The following ANGPT1 variants were observed in gnomAD, a reference collection of about 807,000 sequenced individuals.
ANGPT1 encodes angiopoietin-1.
Under a neutral mutation model 62.2 loss-of-function variants are expected in ANGPT1, and 17 were observed. The observed-to-expected ratio is 0.27, with a 90% CI of 0.19 to 0.41. ANGPT1 has a LOEUF of 0.41. ANGPT1 is among the 10% of genes least tolerant of loss of function. The pLI is 1.00. For synonymous variants in ANGPT1, 199 were observed against 198.9 expected, an observed-to-expected ratio of 1.00 and a Z score of 0.00; for missense variants, 478 against 594.9, an observed-to-expected ratio of 0.80 and a Z score of 2.04.
chr8:107,271,264 T>C (rs1158297388), intron 7 of ANGPT1, among the ~76,000 whole-genome samples: 1 of 152,194 alleles, frequency 6.6e-6, no homozygotes, highest in South Asian at 2.1e-4. Context: ...CTCTATGTCC[T>C]GCCAATATTT....
At chr8:107,376,716 G>T (rs542008072) in intron 1 of ANGPT1, among the ~76,000 whole-genome samples, 1 of 152,256 alleles carries the variant, frequency 6.6e-6, no homozygotes, top group Admixed American at 6.5e-5. Flanking sequence ...TTATCCCACT[G>T]AAAAATAAGA....
chr8:107,360,771 T>G (rs1816145756), intron 1 of ANGPT1, among the ~76,000 whole-genome samples: 1 of 152,236 alleles, frequency 6.6e-6, no homozygotes, highest in East Asian at 1.9e-4. Context: ...AAAAAAGTCT[T>G]CATATACTTG....
intron 3 of ANGPT1, among the ~76,000 whole-genome samples, chr8:107,326,605 C>G (rs1056599494): frequency 4.6e-5 from 7 of 152,074 alleles, no homozygotes; most frequent in Admixed American, 3.3e-4. Flanking sequence ...TCAGCCCTTC[C>G]TTGTCATTAC....
chr8:107,371,597 G>A (rs759877533), intron 1 of ANGPT1, among the ~76,000 whole-genome samples: 73 of 59,542 alleles, frequency 1.2e-3, no homozygotes, highest in Middle Eastern at 0.014. Context: ...TTTTTTTTTG[G>A]ACAGAGTCTA....
intron 2 of ANGPT1, among the ~76,000 whole-genome samples, chr8:107,345,281 T>A (rs747488584): frequency 6.6e-6 from 1 of 152,218 alleles, no homozygotes; most frequent in African/African-American, 2.4e-5. Context: ...GTAGTTATTC[T>A]TTTTCATTGA....
At chr8:107,358,233 T>C (rs1816088847) in intron 1 of ANGPT1, among the ~76,000 whole-genome samples, 1 of 152,206 alleles carries the variant, frequency 6.6e-6, no homozygotes, top group Non-Finnish European at 1.5e-5. Context: ...ACTAATTTTT[T>C]TCTGAATAAT....
intron 1 of ANGPT1, among the ~76,000 whole-genome samples, chr8:107,417,434 G>C (rs1029872061): frequency 1.3e-5 from 2 of 152,074 alleles, no homozygotes; most frequent in African/African-American, 2.4e-5. Flanking sequence ...AGTGAGAAAA[G>C]GGCAACATTA....
At chr8:107,399,661 C>T (rs1316339069) in intron 1 of ANGPT1, among the ~76,000 whole-genome samples, 1 of 152,094 alleles carries the variant, frequency 6.6e-6, no homozygotes, top group African/African-American at 2.4e-5. Flanking sequence ...TGATTCCAAC[C>T]CTCTCCCAGG....
intron 7 of ANGPT1, 98 bp downstream of exon 7, chr8:107,284,584 G>T: frequency 1.8e-6 from 2 of 1,110,476 alleles, no homozygotes; most frequent in Admixed American, 3.2e-5. Flanking sequence ...TTTTCATTTT[G>T]AAGGATGATT....
At chr8:107,468,194 T>G (rs1282988489) in intron 1 of ANGPT1, among the ~76,000 whole-genome samples, 1 of 152,024 alleles carries the variant, frequency 6.6e-6, no homozygotes, top group Non-Finnish European at 1.5e-5. Context: ...ACGAACAGAA[T>G]CTACAGAAAT....
chr8:107,435,845 G>C (rs1014008075), intron 1 of ANGPT1, among the ~76,000 whole-genome samples: 2 of 152,142 alleles, frequency 1.3e-5, no homozygotes, highest in African/African-American at 4.8e-5. Flanking sequence ...TCTAGTGCCA[G>C]ACCCATTGCA....
intron 1 of ANGPT1, among the ~76,000 whole-genome samples, chr8:107,452,006 T>C (rs1357667375): frequency 6.6e-6 from 1 of 151,878 alleles, no homozygotes; most frequent in Non-Finnish European, 1.5e-5. Context: ...TTTGTTTATA[T>C]GTATGTATAC....
intron 1 of ANGPT1, among the ~76,000 whole-genome samples, chr8:107,486,187 A>C (rs1439159875): frequency 1.3e-5 from 2 of 152,156 alleles, no homozygotes; most frequent in East Asian, 1.9e-4. Context: ...ACTACAGAAA[A>C]ATTTTTTAGA....
chr8:107,436,293 A>G (rs768074939), intron 1 of ANGPT1, among the ~76,000 whole-genome samples: 26 of 152,194 alleles, frequency 1.7e-4, no homozygotes, highest in Admixed American at 1.3e-3. Context: ...CTGGGCCTCA[A>G]TCCTAAGACT....
At chr8:107,448,361 C>A (rs911838496) in intron 1 of ANGPT1, among the ~76,000 whole-genome samples, 1 of 152,110 alleles carries the variant, frequency 6.6e-6, no homozygotes, top group African/African-American at 2.4e-5. Flanking sequence ...ATTGACAGAA[C>A]AAATTAATTC....
intron 1 of ANGPT1, among the ~76,000 whole-genome samples, chr8:107,399,073 G>A (rs891386492): frequency 6.6e-6 from 1 of 152,112 alleles, no homozygotes; most frequent in Admixed American, 6.5e-5. Context: ...ACTTTCACTG[G>A]TATTCTAATA....
chr8:107,321,819 A>C, intron 4 of ANGPT1, 77 bp downstream of exon 4: 1 of 1,263,816 alleles, frequency 7.9e-7, no homozygotes, highest in Admixed American at 1.9e-5. Context: ...AATGCACTGT[A>C]GAAAGCTATA....
Position 107,389,127 on chromosome 8 carries a change from G to A in ANGPT1, c.298-42030C>T, listed in dbSNP as rs548107999. Among the ~76,000 whole-genome samples, 4 of 152,236 alleles carry A rather than the reference G, an allele frequency of 2.6e-5. 1 individual carries two copies. The highest frequency in any genetic ancestry group is 2.1e-4 in the South Asian group (1 of 4,824). On this transcript the variant is annotated intron_variant, in intron 1 of 8. Coordinates refer to ENST00000517746, the MANE Select transcript of ANGPT1 (RefSeq NM_001146.5). ...TATGACTTTCTAAAGCACAAATGTA[G>A]TGATATGAAAATAAAAATTTACTGA... is the stretch of plus-strand genomic sequence containing the variant.
chr8:107,432,709 C>T (rs1811225615), intron 1 of ANGPT1, among the ~76,000 whole-genome samples: 2 of 151,648 alleles, frequency 1.3e-5, no homozygotes, highest in Non-Finnish European at 2.9e-5. Context: ...TTTAACTCAC[C>T]TTTCAGATTT....
Sources: gnomAD v4.1 joint callset for allele counts (sites outside exome capture counted in the v4.1 genomes callset) on GRCh38, gnomAD v4.1.1 for gene constraint, MANE v1.5 for transcripts, NCBI Gene and HGNC (gene_info 2026-07-23, HGNC 2026-07-21) for gene names.